Variants in MALSU1 observed in about 807,000 individuals in gnomAD.
MALSU1 encodes the protein mitochondrial assembly of ribosomal large subunit 1, also known as mitochondrial assembly of ribosomal large subunit protein 1.
MALSU1 carries 22 observed loss-of-function variants against 22.1 expected under a neutral mutation model. The ratio of observed to expected loss-of-function variants is 1.00; its 90% CI spans 0.71 to 1.42. The LOEUF is 1.42. MALSU1 is among the 40% of genes most tolerant of loss of function. The probability of loss-of-function intolerance (pLI) is 0.00; values close to 1 mark genes in which losing one functional copy is unlikely to be tolerated. For synonymous variants in MALSU1, 153 were observed against 118.5 expected, an observed-to-expected ratio of 1.29 and a Z score of -1.89; for missense variants, 379 against 308.3, an observed-to-expected ratio of 1.23 and a Z score of -1.72.
intron 2 of MALSU1, chr7:23,301,334 C>G: frequency 5.3e-6 from 1 of 188,580 alleles, no homozygotes; most frequent in Non-Finnish European, 1.1e-5. Context: ...GATCTCTGCT[C>G]ACCGCAACCT....
chr7:23,307,882 A>G lies in MALSU1; in HGVS notation c.450A>G (p.Lys150=). ...FYVVKMYKHL[K]CKRDPHVKIE... ...GCTTTTTGCAGTACAAACACCTGAA[A>G]TGTAAACGTGACCCTCATGTTAAGA... Residue 150 remains lysine (K), a synonymous_variant, in exon 3 of 4, where the codon AAA becomes AAG. Coordinates refer to ENST00000466681, the MANE Select transcript of MALSU1 (RefSeq NM_138446.2). The G allele has an allele frequency of 6.2e-7, 1 of 1,613,918 alleles. No individual in the cohort carries two copies. The highest frequency in any genetic ancestry group is 8.5e-7 in the Non-Finnish European group (1 of 1,179,794).
chr7:23,302,931 C>G (rs548600539), intron 2 of MALSU1, among the ~76,000 whole-genome samples: 2 of 152,280 alleles, frequency 1.3e-5, no homozygotes, highest in South Asian at 4.1e-4. Flanking sequence ...CACCCACCAC[C>G]ACGCTTGGCT....
chr7:23,308,120 T>C (rs1307578039), intron 3 of MALSU1, 171 bp downstream of exon 3: 3 of 604,590 alleles, frequency 5.0e-6, no homozygotes, highest in Admixed American at 5.9e-5. Context: ...GGTGGTCTTA[T>C]TCACATGTAG....
intron 1 of MALSU1, among the ~76,000 whole-genome samples, 160 bp from the exon 2 acceptor site, chr7:23,300,679 G>A (rs1783630410): frequency 6.6e-6 from 1 of 152,066 alleles, no homozygotes; most frequent in Non-Finnish European, 1.5e-5. Flanking sequence ...TGATACTACT[G>A]CCCAGGTTCA....
intron 2 of MALSU1, among the ~76,000 whole-genome samples, chr7:23,307,038 C>T (rs1474387833): frequency 2.0e-5 from 3 of 152,102 alleles, no homozygotes; most frequent in African/African-American, 4.8e-5. Context: ...GATCCAGTCC[C>T]CATACTAGTT....
In MALSU1 at chr7:23,310,667, G is replaced by T. The variant is rs1307127992; in HGVS notation, c.*1124G>T. On this transcript the variant is annotated 3_prime_UTR_variant, in exon 4 of 4. Coordinates refer to ENST00000466681, the MANE Select transcript of MALSU1 (RefSeq NM_138446.2). ...CACTTTTTTGGTTAAAACTACAAAA[G>T]AAACTTGTTTTCAGAGAACATTAAG... is the stretch of plus-strand genomic sequence containing the variant. The T allele has an allele frequency of 1.3e-5, 2 of 152,104 alleles. No homozygotes were observed. The highest frequency in any genetic ancestry group is 4.8e-5 in the African/African-American group (2 of 41,420). 9.4% of individuals were successfully genotyped at this position (152,104 alleles called of 1,614,324 possible).
intron 2 of MALSU1, among the ~76,000 whole-genome samples, chr7:23,304,387 G>A (rs937121225): frequency 9.9e-5 from 15 of 152,146 alleles, no homozygotes; most frequent in African/African-American, 2.2e-4. Flanking sequence ...TGGGCATGAC[G>A]TGATATCTCA....
In MALSU1 at chr7:23,307,056, A is replaced by G. The variant is rs146906555; in HGVS notation, c.436-812A>G. 1.2e-4 allele frequency among the ~76,000 whole-genome samples: 18 copies of G among 152,246 alleles called. No individual in the cohort carries two copies. The East Asian group carries it at 3.5e-3, about 29-fold the overall frequency. Reference sequence around the variant, plus strand: ...CCAGTCCCCATACTAGTTATGGTCTATTGAAACTTTATATTTCTGCATGAT... The same window carrying G: ...CCAGTCCCCATACTAGTTATGGTCTGTTGAAACTTTATATTTCTGCATGAT... On this transcript the variant is annotated intron_variant, in intron 2 of 3. Transcript: ENST00000466681.
At position 23,301,023 on chromosome 7, in the gene MALSU1, A is replaced by T; in HGVS notation, c.435+6A>T. On this transcript the variant is annotated splice_donor_region_variant and intron_variant, in intron 2 of 3. Coordinates refer to ENST00000466681, the MANE Select transcript of MALSU1 (RefSeq NM_138446.2). ...CCTTCTACGTTGTGAAAATGGTAGGATGCTTTCTTTTCTCTTTTGGACCAT... is the reference window on the plus strand; with the variant it reads ...CCTTCTACGTTGTGAAAATGGTAGGTTGCTTTCTTTTCTCTTTTGGACCAT... 6.2e-7 allele frequency: 1 copy of T among 1,609,466 alleles called. No individual in the cohort carries two copies. Among genetic ancestry groups the T allele is most frequent in the Non-Finnish European group, 8.5e-7 (1 of 1,177,310 alleles).
At chr7:23,301,206 C>A (rs1783640345) in intron 2 of MALSU1, 189 bp downstream of exon 2, 1 of 542,132 alleles carries the variant, frequency 1.8e-6, no homozygotes, top group Admixed American at 3.2e-5. Context: ...AATATCCAGC[C>A]CTATTGAGTT....
chr7:23,301,548 C>T (rs1463300079), intron 2 of MALSU1, among the ~76,000 whole-genome samples: 1 of 152,198 alleles, frequency 6.6e-6, no homozygotes, highest in East Asian at 1.9e-4. Flanking sequence ...CATGAGCCAC[C>T]TCACCCGGCC....
At position 23,307,893 on chromosome 7, in the gene MALSU1, A is replaced by G. The variant is rs772804495; in HGVS notation, c.461A>G (p.Asp154Gly). 6 of 1,613,856 alleles carry G rather than the reference A, an allele frequency of 3.7e-6. No individual in the cohort carries two copies. The African/African-American group carries it at 6.7e-5, about 18-fold the overall frequency. The change falls in exon 3 of 4, where the codon GAC becomes GGC. Residue 154 changes from aspartate (D) to glycine (G), a missense_variant. Asp to Gly is a moderately conservative substitution (Grantham distance 94). Coordinates refer to ENST00000466681, the MANE Select transcript of MALSU1 (RefSeq NM_138446.2). ...KMYKHLKCKR[D>G]PHVKIEGKDT... The stretch of plus-strand genomic sequence containing the variant: ...TACAAACACCTGAAATGTAAACGTG[A>G]CCCTCATGTTAAGATAGAAGGGAAG...
At position 23,311,096 on chromosome 7, in the gene MALSU1, T is replaced by A. The variant is rs376832918; in HGVS notation, c.*1553T>A. On this transcript the variant is annotated 3_prime_UTR_variant, in exon 4 of 4. Transcript: ENST00000466681. Reference sequence around the variant, plus strand: ...ATACAGAAATCCTGTTATACTTTACTACTTAAGGTGGAGTCTAATTTTTTT... The same window carrying A: ...ATACAGAAATCCTGTTATACTTTACAACTTAAGGTGGAGTCTAATTTTTTT... The A allele has an allele frequency of 3.9e-5, 6 of 152,336 alleles. No individual in the cohort carries two copies. Among genetic ancestry groups the A allele is most frequent in the African/African-American group, 1.4e-4 (6 of 41,554 alleles). 9.4% of individuals were successfully genotyped at this position (152,336 alleles called of 1,614,324 possible).
chr7:23,301,295 T>C (rs1299545955), intron 2 of MALSU1: 2 of 245,834 alleles, frequency 8.1e-6, no homozygotes, highest in African/African-American at 4.5e-5. Context: ...AGTTTTGCTC[T>C]TGTTGCCCAG....
chr7:23,309,171 ACT>A (rs1191312504), intron 3 of MALSU1, among the ~76,000 whole-genome samples, 183 bp from the exon 4 acceptor site: 7 of 152,334 alleles, frequency 4.6e-5, no homozygotes, highest in South Asian at 2.1e-4. Context: ...CTGTAGGTAC[ACT>A]GAGAAAGGCA....
rs140572422 is a variant in MALSU1 at position 23,303,298 on chromosome 7, C to T, written c.435+2281C>T. 3.5e-3 allele frequency among the ~76,000 whole-genome samples: 538 copies of T among 152,170 alleles called. 6 individuals are homozygous for T. Among genetic ancestry groups the T allele is most frequent in the African/African-American group, 0.012 (506 of 41,520 alleles). On this transcript the variant is annotated intron_variant, in intron 2 of 3. Transcript: ENST00000466681. ...AAAAGTAGAATCATAGATTTGTGAC[C>T]GACTTATCTGACTTAGCATAATGTC...
chr7:23,307,009 T>G (rs1037681887), intron 2 of MALSU1, among the ~76,000 whole-genome samples: 4 of 152,202 alleles, frequency 2.6e-5, no homozygotes. Flanking sequence ...GGACTTTTGT[T>G]GGGAGATTTT....
At chr7:23,308,124 C>T (rs1415181766) in intron 3 of MALSU1, 175 bp downstream of exon 3, 1 of 608,792 alleles carries the variant, frequency 1.6e-6, no homozygotes, top group Non-Finnish European at 2.9e-6. Context: ...GTCTTATTCA[C>T]ATGTAGAATT....
chr7:23,299,840 A>ACC (rs1403930984), intron 1 of MALSU1, among the ~76,000 whole-genome samples: 4 of 151,932 alleles, frequency 2.6e-5, no homozygotes, highest in Non-Finnish European at 4.4e-5. Context: ...CCGGACGGCC[A>ACC]TCTCCCACCC....
Sources: gnomAD v4.1 joint callset for allele counts (sites outside exome capture counted in the v4.1 genomes callset) on GRCh38, gnomAD v4.1.1 for gene constraint, MANE v1.5 for transcripts, NCBI Gene and HGNC (gene_info 2026-07-23, HGNC 2026-07-21) for gene names.